The following HMBOX1 variants were observed in gnomAD, a reference collection of about 807,000 sequenced individuals.
The protein encoded by HMBOX1 is homeobox containing 1.
HMBOX1 carries 14 observed loss-of-function variants against 54.5 expected under a neutral mutation model. The observed-to-expected ratio is 0.26, with a 90% CI of 0.17 to 0.40. The LOEUF (loss-of-function observed/expected upper bound fraction) is 0.40. Among genes scored for constraint, HMBOX1 ranks in the 10% least tolerant of loss-of-function variants. The pLI is 1.00. For synonymous variants in HMBOX1, 160 were observed against 181.0 expected, an observed-to-expected ratio of 0.88 and a Z score of 0.93; for missense variants, 332 against 514.4, an observed-to-expected ratio of 0.65 and a Z score of 3.43.
chr8:28,966,089 T>C (rs945692637), intron 2 of HMBOX1, among the ~76,000 whole-genome samples: 11 of 152,212 alleles, frequency 7.2e-5, no homozygotes, highest in Non-Finnish European at 1.6e-4. Context: ...CCTTTTTACC[T>C]CTGTGATTTC....
intron 1 of HMBOX1, among the ~76,000 whole-genome samples, chr8:28,925,640 GA>G (rs33934018): frequency 0.67 from 101,903 of 151,032 alleles, 34,480 homozygotes; most frequent in East Asian, 0.75. Flanking sequence ...CCCTGGCAGT[GA>G]AAAAAAAAAT....
intron 1 of HMBOX1, among the ~76,000 whole-genome samples, chr8:28,914,743 T>G (rs1816195012): frequency 6.6e-6 from 1 of 152,258 alleles, no homozygotes; most frequent in African/African-American, 2.4e-5. Context: ...TTTTTTGCTC[T>G]TATTTCAGTG....
At chr8:28,904,726 G>T (rs1430679362) in intron 1 of HMBOX1, among the ~76,000 whole-genome samples, 1 of 150,942 alleles carries the variant, frequency 6.6e-6, no homozygotes, top group African/African-American at 2.4e-5. Flanking sequence ...ACCCAGGCTG[G>T]AGTGCAGTGG....
chr8:28,930,888 C>T (rs1347283617), intron 1 of HMBOX1, among the ~76,000 whole-genome samples: 2 of 152,134 alleles, frequency 1.3e-5, no homozygotes, highest in African/African-American at 2.4e-5. Context: ...CTTATCTCGA[C>T]ATTTAGATTG....
At chr8:28,995,363 A>C (rs1831651923) in intron 4 of HMBOX1, among the ~76,000 whole-genome samples, 2 of 152,182 alleles carry the variant, frequency 1.3e-5, no homozygotes, top group Admixed American at 1.3e-4. Context: ...TCCTTTCCAT[A>C]ACTGAATAAT....
intron 1 of HMBOX1, among the ~76,000 whole-genome samples, chr8:28,893,614 A>T (rs533513430): frequency 1.3e-5 from 2 of 152,318 alleles, no homozygotes; most frequent in East Asian, 3.9e-4. Flanking sequence ...CCAAATCCTC[A>T]GTTAAAACAT....
intron 1 of HMBOX1, among the ~76,000 whole-genome samples, chr8:28,958,504 C>A (rs1824877367): frequency 6.6e-6 from 1 of 152,154 alleles, no homozygotes; most frequent in Non-Finnish European, 1.5e-5. Context: ...ATAACATTCA[C>A]ATGGTTAAAA....
chr8:28,905,281 A>G (rs36118625), intron 1 of HMBOX1, among the ~76,000 whole-genome samples: 15,164 of 152,244 alleles, frequency 0.1, 1,001 homozygotes, highest in Middle Eastern at 0.16. Context: ...GTTCACTGAA[A>G]ACTTCTACTT....
intron 4 of HMBOX1, among the ~76,000 whole-genome samples, chr8:28,997,663 C>A (rs1194585070): frequency 6.6e-6 from 1 of 152,170 alleles, no homozygotes; most frequent in Non-Finnish European, 1.5e-5. Context: ...CCTTCCACCT[C>A]AGCCTCACAA....
At position 28,890,563 on chromosome 8, in the gene HMBOX1, CA is replaced by C. The variant is rs1381034226; in HGVS notation, c.-172del. On this transcript the variant is annotated 5_prime_UTR_variant, in exon 1 of 10. Transcript: ENST00000287701. ...CCCAGTCCCCTCCCGACGGGCGCCC[CA>C]CGCGGAAGACACCCCTCCCCCTCCC... 1 of 152,620 alleles carries C rather than the reference CA, an allele frequency of 6.6e-6. No individual in the cohort carries two copies. Among genetic ancestry groups the C allele is most frequent in the African/African-American group, 2.4e-5 (1 of 41,370 alleles). The allele number at this position is 152,620 out of a possible 1,614,324, so 9.5% of individuals were successfully genotyped here.
intron 3 of HMBOX1, among the ~76,000 whole-genome samples, chr8:28,972,341 T>C (rs1827574351): frequency 1.3e-5 from 2 of 152,132 alleles, no homozygotes; most frequent in African/African-American, 4.8e-5. Flanking sequence ...GCCTCCTGAG[T>C]AGCTGGGACT....
intron 6 of HMBOX1, among the ~76,000 whole-genome samples, chr8:29,019,898 A>G (rs894393272): frequency 6.6e-6 from 1 of 152,210 alleles, no homozygotes; most frequent in Admixed American, 6.5e-5. Context: ...TGTTCATGTG[A>G]TATAGTTGAA....
Position 29,051,110 on chromosome 8 carries a change from A to T in HMBOX1, c.1218A>T (p.Arg406=). 2.5e-6 allele frequency: 4 copies of T among 1,613,970 alleles called. No individual in the cohort carries two copies. Among genetic ancestry groups the T allele is most frequent in the Non-Finnish European group, 3.4e-6 (4 of 1,180,002 alleles). The change falls in exon 10 of 10, where the codon CGA becomes CGT. Residue 406 remains arginine, a synonymous_variant. Coordinates refer to ENST00000287701, the MANE Select transcript of HMBOX1 (RefSeq NM_001135726.3). ...AVNHTILALA[R]QGANEIKTEA... ...ACCACACTATCTTGGCATTGGCCCGACAAGGAGCCAACGAAATCAAGACAG... is the reference window on the plus strand; with the variant it reads ...ACCACACTATCTTGGCATTGGCCCGTCAAGGAGCCAACGAAATCAAGACAG...
At chr8:29,050,242 T>G (rs1365564228) in intron 9 of HMBOX1, 2 of 984,276 alleles carry the variant, frequency 2.0e-6, no homozygotes, top group Non-Finnish European at 2.4e-6. Flanking sequence ...GGAGTTCCCC[T>G]GAAGATGACA....
At chr8:29,010,473 T>A (rs1834079740) in intron 5 of HMBOX1, among the ~76,000 whole-genome samples, 2 of 152,060 alleles carry the variant, frequency 1.3e-5, no homozygotes, top group Admixed American at 1.3e-4. Context: ...GAGAAATTGC[T>A]TTAACTCGGG....
intron 6 of HMBOX1, among the ~76,000 whole-genome samples, chr8:29,043,768 A>C (rs1041212707): frequency 6.6e-6 from 1 of 152,174 alleles, no homozygotes; most frequent in Admixed American, 6.5e-5. Flanking sequence ...AGTTAATCCA[A>C]AGCATCTCAG....
At chr8:28,948,850 G>T (rs1822931627) in intron 1 of HMBOX1, among the ~76,000 whole-genome samples, 1 of 151,974 alleles carries the variant, frequency 6.6e-6, no homozygotes, top group Non-Finnish European at 1.5e-5. Flanking sequence ...TTTATTAAGG[G>T]TTGGGAAACT....
intron 1 of HMBOX1, among the ~76,000 whole-genome samples, chr8:28,915,305 C>T (rs1419977134): frequency 6.6e-6 from 1 of 152,004 alleles, no homozygotes; most frequent in Non-Finnish European, 1.5e-5. Flanking sequence ...CGCCTGTAAT[C>T]CCAACACTTT....
chr8:28,931,769 G>C (rs1819508759), intron 1 of HMBOX1, among the ~76,000 whole-genome samples: 1 of 152,078 alleles, frequency 6.6e-6, no homozygotes, highest in Admixed American at 6.5e-5. Context: ...TGGAACTCCT[G>C]GACTCAAGTG....
Sources: allele counts gnomAD v4.1 joint callset (sites outside exome capture counted in the v4.1 genomes callset), GRCh38; gene constraint gnomAD v4.1.1; transcripts MANE v1.5; gene names NCBI Gene and HGNC (gene_info 2026-07-23, HGNC 2026-07-21).